NAT10: variants seen among roughly 807,000 people sequenced by gnomAD.
The protein encoded by NAT10 is N-acetyltransferase 10.
Under a neutral mutation model 132.2 loss-of-function variants are expected in NAT10, and 109 were observed. That is an observed-to-expected ratio of 0.82 (90% CI 0.71 to 0.97). The LOEUF is 0.97. NAT10 is among the 50% of genes least tolerant of loss of function. NAT10 has a pLI of 0.00. For synonymous variants in NAT10, 479 were observed against 478.0 expected (o/e 1.00, Z -0.03); for missense variants, 1,184 against 1,263.4 (o/e 0.94, Z 0.95).
chr11:34,140,590 T>A lies in NAT10; in HGVS notation c.2592+18T>A. On this transcript the variant is annotated intron_variant, in intron 24 of 28. Coordinates refer to ENST00000257829, the MANE Select transcript of NAT10 (RefSeq NM_024662.3). ...CTCAGTCGGTATGCTATCTGTTGCT[T>A]GCGTGGAGGAGAAGCGAGGATTGTG... 1 of 1,608,716 alleles carries A rather than the reference T, an allele frequency of 6.2e-7. No individual in the cohort carries two copies. Among genetic ancestry groups the A allele is most frequent in the Non-Finnish European group, 8.5e-7 (1 of 1,175,668 alleles).
chr11:34,128,223 G>A lies in NAT10; in HGVS notation c.1244+624G>A, dbSNP rs1590771909. Among the ~76,000 whole-genome samples, 4 of 152,066 alleles carry A rather than the reference G, an allele frequency of 2.6e-5. No individual in the cohort carries two copies. The South Asian group carries it at 6.2e-4, about 24-fold the overall frequency. ...ACAAAAATTAGCTGGGTCTGGTGGCGCGTGCCTGTAATCCCAGCTACTCTG... is the reference window on the plus strand; with the variant it reads ...ACAAAAATTAGCTGGGTCTGGTGGCACGTGCCTGTAATCCCAGCTACTCTG... On this transcript the variant is annotated intron_variant, in intron 12 of 28. Coordinates refer to ENST00000257829, the MANE Select transcript of NAT10 (RefSeq NM_024662.3).
chr11:34,145,946 A>G, intron 28 of NAT10, 138 bp from the exon 29 acceptor site: 1 of 613,384 alleles, frequency 1.6e-6, no homozygotes, highest in Non-Finnish European at 2.8e-6. Flanking sequence ...TGCAGAGAAC[A>G]TTAATGTCCA....
intron 1 of NAT10, among the ~76,000 whole-genome samples, chr11:34,106,696 T>C (rs1348689258): frequency 1.3e-5 from 2 of 152,178 alleles, no homozygotes; most frequent in Non-Finnish European, 2.9e-5. Flanking sequence ...AAGACTTGAG[T>C]GTGAATTCTG....
chr11:34,141,328 C>A, intron 25 of NAT10, 120 bp downstream of exon 25: 1 of 1,290,948 alleles, frequency 7.7e-7, no homozygotes, highest in Middle Eastern at 2.7e-4. Context: ...TCGTCACACA[C>A]ACACACACAC....
At chr11:34,130,308 AGGT>A (rs1188265332) in intron 12 of NAT10, among the ~76,000 whole-genome samples, 2 of 152,178 alleles carry the variant, frequency 1.3e-5, no homozygotes, top group Non-Finnish European at 2.9e-5. Flanking sequence ...AGAATTACTG[AGGT>A]GGTGGATTTG....
intron 6 of NAT10, among the ~76,000 whole-genome samples, chr11:34,116,644 G>C (rs1851788627): frequency 6.6e-6 from 1 of 152,060 alleles, no homozygotes; most frequent in East Asian, 1.9e-4. Flanking sequence ...GCCCAGGCTG[G>C]AGTACAGAGA....
rs1206353509 is a variant in NAT10, at chr11:34,115,840, C to T, written c.513C>T (p.Tyr171=). Residue 171 remains tyrosine (Y), a synonymous_variant, in exon 6 of 29, where the codon TAC becomes TAT. Coordinates refer to ENST00000257829, the MANE Select transcript of NAT10 (RefSeq NM_024662.3). ...YTVTMDVHSR[Y]RTEAHQDVVG... The stretch of plus-strand genomic sequence containing the variant: ...TTTGTTAGGATGTGCATTCCAGGTA[C>T]AGAACTGAGGCCCATCAGGATGTGG... 10 of 1,613,900 alleles carry T rather than the reference C, an allele frequency of 6.2e-6. No individual in the cohort carries two copies. Among genetic ancestry groups the T allele is most frequent in the Non-Finnish European group, 8.5e-6 (10 of 1,179,978 alleles).
At chr11:34,110,766 G>C (rs1851681259) in intron 3 of NAT10, among the ~76,000 whole-genome samples, 1 of 151,938 alleles carries the variant, frequency 6.6e-6, no homozygotes, top group Non-Finnish European at 1.5e-5. Context: ...ACTTGCCCCT[G>C]TCCTGTGGTC....
At chr11:34,108,045 A>G (rs1851626064) in intron 1 of NAT10, among the ~76,000 whole-genome samples, 166 bp from the exon 2 acceptor site, 1 of 152,158 alleles carries the variant, frequency 6.6e-6, no homozygotes, top group South Asian at 2.1e-4. Flanking sequence ...AGGTTTCCTG[A>G]GTTTAAAACT....
At chr11:34,113,479 T>A (rs1160926276) in intron 4 of NAT10, among the ~76,000 whole-genome samples, 1 of 151,960 alleles carries the variant, frequency 6.6e-6, no homozygotes, top group Non-Finnish European at 1.5e-5. Context: ...AGTCTTCTTT[T>A]TGCCTTATCA....
chr11:34,121,542 G>A (rs561306496), intron 8 of NAT10, among the ~76,000 whole-genome samples: 9 of 152,078 alleles, frequency 5.9e-5, no homozygotes, highest in Admixed American at 6.5e-5. Context: ...GGAATGTACA[G>A]GAAGCAGTTG....
At chr11:34,137,815 C>T (rs1046809154) in intron 21 of NAT10, among the ~76,000 whole-genome samples, 3 of 152,168 alleles carry the variant, frequency 2.0e-5, no homozygotes, top group African/African-American at 4.8e-5. Context: ...AAGAGAAAGT[C>T]GGGTGTGGTG....
chr11:34,124,094 G>A (rs1394872171), intron 10 of NAT10, among the ~76,000 whole-genome samples: 3 of 152,110 alleles, frequency 2.0e-5, no homozygotes, highest in African/African-American at 4.8e-5. Context: ...GCTTGAACCC[G>A]GGAGGCGGAG....
intron 18 of NAT10, 79 bp downstream of exon 18, chr11:34,134,665 A>T: frequency 2.1e-6 from 3 of 1,418,886 alleles, no homozygotes; most frequent in Non-Finnish European, 3.0e-6. Flanking sequence ...CTGGAATAAG[A>T]AGCTGGTCAA....
Position 34,136,639 on chromosome 11 carries a change from C to T in NAT10, c.2029-3C>T, listed in dbSNP as rs1373962871. 2.5e-6 allele frequency: 4 copies of T among 1,614,028 alleles called. No homozygotes were observed. In the African/African-American group the frequency reaches 4.0e-5, roughly 16 times the overall value. ...CTGTGTTCTCTCCTTGGCATCTTCC[C>T]AGGCTGTCAGCTTGTTGGAAGAGGT... On this transcript the variant is annotated splice_polypyrimidine_tract_variant and splice_region_variant and intron_variant, in intron 19 of 28. Coordinates refer to ENST00000257829, the MANE Select transcript of NAT10 (RefSeq NM_024662.3).
intron 5 of NAT10, among the ~76,000 whole-genome samples, chr11:34,114,850 A>G (rs745752898): frequency 4.6e-5 from 7 of 152,150 alleles, no homozygotes; most frequent in Admixed American, 6.5e-5. Flanking sequence ...CTCCTGTACT[A>G]GTCTCTAAAT....
At chr11:34,110,091 C>T (rs1245417382) in intron 3 of NAT10, among the ~76,000 whole-genome samples, 1 of 152,138 alleles carries the variant, frequency 6.6e-6, no homozygotes, top group Non-Finnish European at 1.5e-5. Context: ...ATGGCATCAC[C>T]TAAGAAATAG....
At chr11:34,122,741 CCAGGAAA>C in intron 9 of NAT10, 149 bp downstream of exon 9, 2 of 1,107,114 alleles carry the variant, frequency 1.8e-6, no homozygotes, top group Non-Finnish European at 2.6e-6. Flanking sequence ...TGATTTCCTG[CCAGGAAA>C]CAGCAGCACT....
At chr11:34,108,066 G>A (rs1032881637) in intron 1 of NAT10, 145 bp from the exon 2 acceptor site, 8 of 534,510 alleles carry the variant, frequency 1.5e-5, no homozygotes, top group Non-Finnish European at 2.3e-5. Flanking sequence ...AGAGGCTGAT[G>A]TCTTCCTGTG....
Sources: gnomAD v4.1 joint callset for allele counts (sites outside exome capture counted in the v4.1 genomes callset) on GRCh38, gnomAD v4.1.1 for gene constraint, MANE v1.5 for transcripts, NCBI Gene and HGNC (gene_info 2026-07-23, HGNC 2026-07-21) for gene names.